Variants in CLIC5 observed in about 807,000 individuals in gnomAD.
CLIC5 encodes the protein CLIC family member 5.
In CLIC5, 20 loss-of-function variants were observed where a neutral mutation model predicts 24.7. The observed-to-expected ratio is 0.81, with a 90% confidence interval of 0.57 to 1.18. The LOEUF is 1.18. Among genes scored for constraint, CLIC5 ranks in the 50% most tolerant of loss-of-function variants. The pLI is 0.00. For missense variants in CLIC5, 341 were observed against 326.1 expected (o/e 1.05, Z -0.35); for synonymous variants, 159 against 135.6 (o/e 1.17, Z -1.20).
downstream of CLIC5, among the ~76,000 whole-genome samples, chr6:45,897,688 AGGTAAAGCTTACTAAGGACTCTG>A (rs1762412468): frequency 6.6e-6 from 1 of 152,164 alleles, no homozygotes; most frequent in Admixed American, 6.5e-5. Flanking sequence ...CATTGGCTTC[AGGTAAAGCTTACTAAGGACTCTG>A]GGAACCTGAA....
chr6:46,012,784 A>G (rs1433274653), intron 1 of CLIC5, among the ~76,000 whole-genome samples: 1 of 152,240 alleles, frequency 6.6e-6, no homozygotes, highest in Non-Finnish European at 1.5e-5. Flanking sequence ...CTGGGCTGTT[A>G]CAAGAAGAGC....
chr6:45,906,693 G>T (rs991599687), intron 5 of CLIC5, among the ~76,000 whole-genome samples: 7 of 151,968 alleles, frequency 4.6e-5, no homozygotes, highest in African/African-American at 1.7e-4. Context: ...CTCCTGAGTA[G>T]CTGGGATTAC....
chr6:45,881,651 A>G (rs1024833104), intron 6 of CLIC5, among the ~76,000 whole-genome samples: 5 of 152,194 alleles, frequency 3.3e-5, no homozygotes, highest in African/African-American at 1.2e-4. Context: ...TTTAATTTTT[A>G]AAACTGTGTG....
intron 1 of CLIC5, among the ~76,000 whole-genome samples, chr6:45,995,801 C>A (rs1429819834): frequency 6.6e-6 from 1 of 152,074 alleles, no homozygotes; most frequent in Non-Finnish European, 1.5e-5. Flanking sequence ...AGGAATGAGA[C>A]CATGTCCTTT....
chr6:45,956,052 A>C (rs16874040), intron 1 of CLIC5, among the ~76,000 whole-genome samples: 8,067 of 152,102 alleles, frequency 0.053, 555 homozygotes, highest in African/African-American at 0.16. Flanking sequence ...AAATAACAGA[A>C]TTATTATTGG....
intron 6 of CLIC5, among the ~76,000 whole-genome samples, chr6:45,888,124 A>G (rs960793524): frequency 6.6e-6 from 1 of 152,212 alleles, no homozygotes; most frequent in Non-Finnish European, 1.5e-5. Context: ...AAGTGAGAGC[A>G]GCTTCACAGC....
the CLIC5 span, among the ~76,000 whole-genome samples, chr6:46,096,756 C>A: frequency 7.9e-5 from 12 of 152,250 alleles, no homozygotes; most frequent in African/African-American, 2.6e-4. Context: ...TGATACACAA[C>A]AACAACAACA....
chr6:46,003,258 C>A (rs191975229), intron 1 of CLIC5, among the ~76,000 whole-genome samples: 107 of 152,250 alleles, frequency 7.0e-4, no homozygotes, highest in African/African-American at 2.6e-3. Context: ...CTCATGGGAC[C>A]AAAGAGGACT....
At chr6:45,963,588 G>A (rs1014813654) in intron 1 of CLIC5, among the ~76,000 whole-genome samples, 1 of 151,666 alleles carries the variant, frequency 6.6e-6, no homozygotes, top group East Asian at 1.9e-4. Context: ...GAACATGACT[G>A]TCCTTCCCAA....
At chr6:45,979,951 C>CTTTTTTTTTTTTTTTTT (rs3997321) in intron 1 of CLIC5, among the ~76,000 whole-genome samples, 7 of 95,042 alleles carry the variant, frequency 7.4e-5, no homozygotes, top group Admixed American at 1.3e-4. Context: ...GACTTAGTCA[C>CTTTTTTTTTTTTTTTTT]TTTTTTTTTT....
intron 1 of CLIC5, among the ~76,000 whole-genome samples, chr6:45,986,596 C>T (rs577615428): frequency 3.5e-4 from 54 of 152,176 alleles, no homozygotes; most frequent in African/African-American, 1.2e-3. Flanking sequence ...CTTCTTTAAA[C>T]TTTTTTTTCT....
At chr6:45,957,571 A>C (rs4714895) in intron 1 of CLIC5, among the ~76,000 whole-genome samples, 127,667 of 151,846 alleles carry the variant, frequency 0.84, 54,286 homozygotes, top group Non-Finnish European at 0.9. Context: ...TCCTCTGGTC[A>C]GTGTGCAATC....
At chr6:46,071,513 C>G (rs1181808023) in intron 1 of CLIC5, among the ~76,000 whole-genome samples, 1 of 151,974 alleles carries the variant, frequency 6.6e-6, no homozygotes. Flanking sequence ...TAGAGAAATA[C>G]AAATCAAAAT....
the CLIC5 span, among the ~76,000 whole-genome samples, chr6:46,117,332 A>G: frequency 1.3e-5 from 2 of 152,234 alleles, no homozygotes; most frequent in East Asian, 3.8e-4. Context: ...CATAAGATTT[A>G]CTAGATCCAA....
intron 1 of CLIC5, among the ~76,000 whole-genome samples, chr6:45,955,668 G>T (rs1198963175): frequency 2.0e-5 from 3 of 152,018 alleles, no homozygotes; most frequent in Non-Finnish European, 4.4e-5. Flanking sequence ...TCTGAGGATT[G>T]CTCTAACAAT....
rs559575596 is a variant in CLIC5, at chr6:45,966,415, A to G, written c.64-11171T>C. 4.6e-5 allele frequency among the ~76,000 whole-genome samples: 7 copies of G among 152,196 alleles called. No individual in the cohort carries two copies. The South Asian group carries it at 8.3e-4, about 18-fold the overall frequency. ...CAGACATCAGAATTCTTTTCCCTCA[A>G]TGTTCTCGAGGTGATTCTAATGTTC... is the stretch of plus-strand genomic sequence containing the variant. On this transcript the variant is annotated intron_variant, in intron 1 of 5. Coordinates refer to ENST00000339561, the MANE Select transcript of CLIC5 (RefSeq NM_016929.5).
At chr6:46,092,855 T>C in the CLIC5 span, among the ~76,000 whole-genome samples, 2 of 152,162 alleles carry the variant, frequency 1.3e-5, no homozygotes, top group African/African-American at 4.8e-5. Context: ...CCCAACCAAA[T>C]ACTAAGAACT....
intron 4 of CLIC5, among the ~76,000 whole-genome samples, chr6:45,932,016 G>A (rs6934516): frequency 0.45 from 68,094 of 152,016 alleles, 16,591 homozygotes; most frequent in East Asian, 0.67. Context: ...GGCAGTTCCT[G>A]CCTCCAAAGA....
At chr6:45,930,686 A>G (rs1763701169) in intron 4 of CLIC5, among the ~76,000 whole-genome samples, 1 of 152,228 alleles carries the variant, frequency 6.6e-6, no homozygotes, top group African/African-American at 2.4e-5. Flanking sequence ...GACACTAGGT[A>G]TGGAGGCGGG....
Sources: gnomAD v4.1 joint callset for allele counts (sites outside exome capture counted in the v4.1 genomes callset) on GRCh38, gnomAD v4.1.1 for gene constraint, MANE v1.5 for transcripts, NCBI Gene and HGNC (gene_info 2026-07-23, HGNC 2026-07-21) for gene names.